The following AKNAD1 variants were observed in gnomAD, a reference collection of about 807,000 sequenced individuals.
AKNAD1 encodes protein AKNAD1.
A neutral mutation model predicts 90.8 loss-of-function variants in AKNAD1; 67 were observed. The ratio of observed to expected loss-of-function variants is 0.74; its 90% confidence interval spans 0.61 to 0.90. The LOEUF is 0.90. Ranked by LOEUF, AKNAD1 falls within the 40% of genes least tolerant of loss-of-function variation. The probability of loss-of-function intolerance (pLI) is 0.00; values close to 1 mark genes in which losing one functional copy is unlikely to be tolerated. For missense variants in AKNAD1, 957 were observed against 975.4 expected, an observed-to-expected ratio of 0.98 and a Z score of 0.25; for synonymous variants, 327 against 341.4, an observed-to-expected ratio of 0.96 and a Z score of 0.46.
intron 1 of AKNAD1, among the ~76,000 whole-genome samples, chr1:108,854,569 A>G (rs1330449877): frequency 2.0e-5 from 3 of 152,254 alleles, no homozygotes; most frequent in Non-Finnish European, 4.4e-5. Context: ...ATTGTACAAA[A>G]ATCTTAATTT....
chr1:108,843,298 C>G, intron 5 of AKNAD1, 31 bp from the exon 6 acceptor site: 1 of 1,610,530 alleles, frequency 6.2e-7, no homozygotes, highest in South Asian at 1.1e-5. Flanking sequence ...GAATCATTCA[C>G]ATGCAAGCCT....
rs779178361 is a variant in AKNAD1, at chr1:108,827,177, A to G, written c.1936+28T>C. 5 of 1,569,298 alleles carry G rather than the reference A, an allele frequency of 3.2e-6. 1 individual carries two copies. Among genetic ancestry groups the G allele is most frequent in the Non-Finnish European group, 3.5e-6 (4 of 1,143,854 alleles). ...CCATGGGGAGGGACACTGAAAAATG[A>G]GCACCCAGCCCAAGCCCATCAACTT... On this transcript the variant is annotated intron_variant, in intron 11 of 15. Transcript: ENST00000370001.
In AKNAD1 at chr1:108,827,813, CAA is replaced by C. The variant is rs11369356; in HGVS notation, c.1839-513_1839-512del. On this transcript the variant is annotated intron_variant, in intron 10 of 15. Transcript: ENST00000370001. ...TGGGTGACAGAGCGAGACTCCTACTCAAAAAAAAAAAAAAGAAAATGTATACA... is the reference window on the plus strand; with the variant it reads ...TGGGTGACAGAGCGAGACTCCTACTCAAAAAAAAAAAAGAAAATGTATACA... Among the ~76,000 whole-genome samples, 30 of 115,090 alleles carry C rather than the reference CAA, an allele frequency of 2.6e-4. 1 individual carries two copies. The highest frequency in any genetic ancestry group is 7.1e-4 in the African/African-American group (22 of 31,202). 75.5% of individuals were successfully genotyped at this position (115,090 alleles called of 152,430 possible).
intron 2 of AKNAD1, 105 bp downstream of exon 2, chr1:108,851,567 A>T: frequency 1.7e-6 from 2 of 1,162,572 alleles, no homozygotes; most frequent in Non-Finnish European, 2.4e-6. Flanking sequence ...TGCTGAATGA[A>T]ACTTTGGAAC....
At chr1:108,848,715 C>G (rs749188462) in intron 5 of AKNAD1, 37 bp downstream of exon 5, 13 of 1,556,238 alleles carry the variant, frequency 8.4e-6, no homozygotes, top group East Asian at 2.2e-5. Flanking sequence ...GCCATATTCT[C>G]TAATCAAGAT....
chr1:108,832,410 A>C (rs1040887029), intron 9 of AKNAD1, among the ~76,000 whole-genome samples: 3 of 151,822 alleles, frequency 2.0e-5, no homozygotes, highest in Non-Finnish European at 4.4e-5. Context: ...GTCTTAGTAG[A>C]AACAGAGTTT....
chr1:108,855,259 A>G (rs1234648265), intron 1 of AKNAD1, among the ~76,000 whole-genome samples: 2 of 151,964 alleles, frequency 1.3e-5, no homozygotes, highest in Admixed American at 6.6e-5. Flanking sequence ...TAAAAATACA[A>G]AAAATTAGCT....
At position 108,837,700 on chromosome 1, in the gene AKNAD1, C is replaced by A; in HGVS notation, c.1386G>T (p.Val462=). 1 of 1,614,096 alleles carries A rather than the reference C, an allele frequency of 6.2e-7. No individual in the cohort carries two copies. The highest frequency in any genetic ancestry group is 1.1e-5 in the South Asian group (1 of 91,074). ...TCTCCAATTTGAAGATTTCACCTTC[C>A]ACTTTTCTAAGTAAACATAAACACA... ...IVGDFDPERK[V]EGEIFKLEML... The change falls in exon 7 of 16, where the codon GTG becomes GTT. Residue 462 remains valine (V), a synonymous_variant. Transcript: ENST00000370001.
At chr1:108,825,326 T>C (rs558764650) in intron 11 of AKNAD1, among the ~76,000 whole-genome samples, 13 of 151,860 alleles carry the variant, frequency 8.6e-5, no homozygotes, top group African/African-American at 2.6e-4. Context: ...TACACAGCTA[T>C]AGATAGCTAA....
intron 13 of AKNAD1, among the ~76,000 whole-genome samples, chr1:108,821,498 A>G (rs1663812473): frequency 6.6e-6 from 1 of 152,142 alleles, no homozygotes; most frequent in South Asian, 2.1e-4. Context: ...AGAAACCAGG[A>G]GTTTAGGTTC....
At chr1:108,837,978 T>C (rs17029599) in intron 6 of AKNAD1, among the ~76,000 whole-genome samples, 7,763 of 152,212 alleles carry the variant, frequency 0.051, 577 homozygotes, top group African/African-American at 0.17. Flanking sequence ...GATAACAATA[T>C]TGTACCTTAC....
Position 108,856,960 on chromosome 1 carries a change from A to C in AKNAD1, c.-135T>G, listed in dbSNP as rs1475432169. The C allele has an allele frequency of 6.6e-6, 1 of 152,226 alleles. No homozygotes were observed. Among genetic ancestry groups the C allele is most frequent in the Non-Finnish European group, 1.5e-5 (1 of 68,054 alleles). The allele number at this position is 152,226 out of a possible 1,614,324, so 9.4% of individuals were successfully genotyped here. A position where few individuals can be genotyped will look rare whatever the true frequency, so the allele number is the denominator to read the frequency against. On this transcript the variant is annotated 5_prime_UTR_variant, in exon 1 of 16. Coordinates refer to ENST00000370001, the MANE Select transcript of AKNAD1 (RefSeq NM_152763.5). Reference sequence around the variant, plus strand: ...CAAGGTAATGAGCTTCTTTGAGATAACTGGAGGAACTGGAGCATCTTCCCA... The same window carrying C: ...CAAGGTAATGAGCTTCTTTGAGATACCTGGAGGAACTGGAGCATCTTCCCA...
chr1:108,843,321 G>T, intron 5 of AKNAD1, 54 bp from the exon 6 acceptor site: 1 of 1,598,296 alleles, frequency 6.3e-7, no homozygotes, highest in Non-Finnish European at 8.5e-7. Flanking sequence ...GTGTGTAATT[G>T]TTTTCCCAAA....
chr1:108,851,684 T>TGA lies in AKNAD1; in HGVS notation c.979_980dup (p.Gln328HisfsTer9). The TGA allele has an allele frequency of 3.1e-6, 5 of 1,592,070 alleles. No individual in the cohort carries two copies. The highest frequency in any genetic ancestry group is 4.3e-6 in the Non-Finnish European group (5 of 1,172,100). ...CTGTTTCATTTACCTGGATTTGTTG[T>TGA]GAAGGTTCAGTGATTTTCCCTTTCT... On this transcript the variant is annotated frameshift_variant, in exon 2 of 16. Coordinates refer to ENST00000370001, the MANE Select transcript of AKNAD1 (RefSeq NM_152763.5). LOFTEE classifies it high-confidence loss of function.
chr1:108,815,940 T>C lies in AKNAD1; in HGVS notation c.*231A>G, dbSNP rs570272961. ...CTTTTATTATGAGTTAAGAAGAACATAGATTTATTTTAAAATAAATACTTG... is the reference window on the plus strand; with the variant it reads ...CTTTTATTATGAGTTAAGAAGAACACAGATTTATTTTAAAATAAATACTTG... On this transcript the variant is annotated 3_prime_UTR_variant, in exon 16 of 16. Transcript: ENST00000370001. 318 of 293,436 alleles carry C rather than the reference T, an allele frequency of 1.1e-3. No individual in the cohort carries two copies. The highest frequency in any genetic ancestry group is 6.6e-3 in the African/African-American group (303 of 45,756). The allele number at this position is 293,436 out of a possible 1,614,324, so 18.2% of individuals were successfully genotyped here. A position where few individuals can be genotyped will look rare whatever the true frequency, so the allele number is the denominator to read the frequency against.
intron 11 of AKNAD1, among the ~76,000 whole-genome samples, chr1:108,826,527 A>C (rs1252047098): frequency 6.6e-6 from 1 of 151,572 alleles, no homozygotes; most frequent in Non-Finnish European, 1.5e-5. Flanking sequence ...TATGAAATGC[A>C]TATATCCAAA....
intron 5 of AKNAD1, among the ~76,000 whole-genome samples, chr1:108,846,551 A>G (rs575215014): frequency 6.6e-6 from 1 of 152,142 alleles, no homozygotes; most frequent in African/African-American, 2.4e-5. Flanking sequence ...TGCCAAATCC[A>G]ATGCACTTCT....
At chr1:108,823,503 G>T in intron 12 of AKNAD1, 26 bp from the exon 13 acceptor site, 1 of 1,611,254 alleles carries the variant, frequency 6.2e-7, no homozygotes, top group Non-Finnish European at 8.5e-7. Context: ...TAAAAATACA[G>T]TTAATTGCCT....
intron 9 of AKNAD1, among the ~76,000 whole-genome samples, chr1:108,830,966 A>T (rs973831226): frequency 7.9e-5 from 12 of 152,236 alleles, no homozygotes; most frequent in Admixed American, 1.3e-4. Context: ...TGGTGTACAG[A>T]TGACAGAATA....
Sources: allele counts gnomAD v4.1 joint callset (sites outside exome capture counted in the v4.1 genomes callset), GRCh38; gene constraint gnomAD v4.1.1; transcripts MANE v1.5; gene names NCBI Gene and HGNC (gene_info 2026-07-23, HGNC 2026-07-21).